MGAM2: variants seen among roughly 807,000 people sequenced by gnomAD.
The protein encoded by MGAM2 is maltase-glucoamylase 2 (putative).
Under a neutral mutation model 96.1 loss-of-function variants are expected in MGAM2, and 98 were observed. The observed-to-expected ratio is 1.02, with a 90% CI of 0.87 to 1.21. MGAM2 has a LOEUF of 1.21. Among genes scored for constraint, MGAM2 ranks in the 50% most tolerant of loss-of-function variants. The pLI is 0.00. For synonymous variants in MGAM2, 749 were observed against 414.8 expected, an observed-to-expected ratio of 1.81 and a Z score of -9.79; for missense variants, 2,055 against 1,182.4, an observed-to-expected ratio of 1.74 and a Z score of -10.82.
chr7:142,189,536 T>C, intron 37 of MGAM2, 31 bp downstream of exon 37: 1 of 685,970 alleles, frequency 1.5e-6, no homozygotes, highest in Non-Finnish European at 2.6e-6. Flanking sequence ...GCAGCAAAGA[T>C]AATTTTCCAC....
intron 37 of MGAM2, among the ~76,000 whole-genome samples, chr7:142,194,101 C>T (rs4637731): frequency 3.3e-5 from 5 of 151,078 alleles, no homozygotes; most frequent in Admixed American, 6.6e-5. Context: ...GGCACGATTT[C>T]GACTCACTGC....
intron 9 of MGAM2, 107 bp from the exon 10 acceptor site, chr7:142,138,435 C>T: frequency 3.3e-6 from 2 of 597,044 alleles, no homozygotes; most frequent in South Asian, 4.0e-5. Flanking sequence ...ACAAATTATT[C>T]TAGCAGATTA....
chr7:142,171,684 TATTTCCCTCTG>T (rs1796198062), intron 28 of MGAM2, among the ~76,000 whole-genome samples: 1 of 142,386 alleles, frequency 7.0e-6, no homozygotes, highest in Non-Finnish European at 1.5e-5. Flanking sequence ...AATATGTATA[TATTTCCCTCTG>T]TCAGTTATGG....
chr7:142,212,767 A>G (rs560950075), intron 46 of MGAM2, among the ~76,000 whole-genome samples: 2 of 152,286 alleles, frequency 1.3e-5, no homozygotes, highest in Admixed American at 1.3e-4. Flanking sequence ...TCAATATTAG[A>G]CAGATCAACA....
intron 46 of MGAM2, among the ~76,000 whole-genome samples, chr7:142,215,661 G>C (rs893306680): frequency 6.6e-6 from 1 of 151,424 alleles, no homozygotes; most frequent in Non-Finnish European, 1.5e-5. Context: ...GGGAGGCTGA[G>C]GCGGGAGAAT....
At chr7:142,213,124 C>A (rs953346929) in intron 46 of MGAM2, among the ~76,000 whole-genome samples, 1 of 152,126 alleles carries the variant, frequency 6.6e-6, no homozygotes, top group Non-Finnish European at 1.5e-5. Context: ...TAAATAAGTT[C>A]TTTGAAACCA....
chr7:142,130,890 C>G (rs1307909196), intron 3 of MGAM2, 58 bp from the exon 4 acceptor site: 1 of 675,060 alleles, frequency 1.5e-6, no homozygotes, highest in African/African-American at 1.8e-5. Flanking sequence ...AATAAATAGA[C>G]AGATAATACT....
In MGAM2 at chr7:142,164,799, G is replaced by A; in HGVS notation, c.2485-57G>A. 3 of 601,594 alleles carry A rather than the reference G, an allele frequency of 5.0e-6. No homozygotes were observed. The South Asian group carries it at 6.5e-5, about 13-fold the overall frequency. 37.3% of individuals were successfully genotyped at this position (601,594 alleles called of 1,614,324 possible). A position where few individuals can be genotyped will look rare whatever the true frequency, so the allele number is the denominator to read the frequency against. ...AATTGAGACATTGACTGGTATTTGG[G>A]GATAATAAGGGTCTGAAGTACCTGG... On this transcript the variant is annotated intron_variant, in intron 23 of 47. Coordinates refer to ENST00000477922, the MANE Select transcript of MGAM2 (RefSeq NM_001293626.2).
At position 142,148,792 on chromosome 7, in the gene MGAM2, C is replaced by A. The variant is rs1795466071; in HGVS notation, c.1634+1219C>A. On this transcript the variant is annotated intron_variant, in intron 15 of 47. Coordinates refer to ENST00000477922, the MANE Select transcript of MGAM2 (RefSeq NM_001293626.2). The surrounding 1 kb of genome is among the most constrained non-coding windows in gnomAD (Gnocchi z 4.2). ...TCCCCCTGTTTTGGTGTTTCTAGAG[C>A]ACTGTTGTGCTCTACAAGACAGGGA... Among the ~76,000 whole-genome samples, 1 of 152,138 alleles carries A rather than the reference C, an allele frequency of 6.6e-6. No homozygotes were observed. The highest frequency in any genetic ancestry group is 2.4e-5 in the African/African-American group (1 of 41,438).
intron 36 of MGAM2, 71 bp downstream of exon 36, chr7:142,187,905 A>G (rs1204459528): frequency 1.0e-5 from 7 of 674,292 alleles, no homozygotes; most frequent in Non-Finnish European, 1.9e-5. Flanking sequence ...TTTTACTGTC[A>G]AAGTGAAGCC....
intron 31 of MGAM2, among the ~76,000 whole-genome samples, chr7:142,173,676 G>A (rs1376025692): frequency 6.6e-6 from 1 of 152,164 alleles, no homozygotes; most frequent in Non-Finnish European, 1.5e-5. Context: ...ATATGGCAAT[G>A]CAGGGGACTA....
At position 142,136,657 on chromosome 7, in the gene MGAM2, T is replaced by C. The variant is rs548755627; in HGVS notation, c.847+17T>C. Reference sequence around the variant, plus strand: ...ATGCCATGGGTAGGAAGCATCTTTTTATCTTCTGTAGGTAGGAATACGTTT... The same window carrying C: ...ATGCCATGGGTAGGAAGCATCTTTTCATCTTCTGTAGGTAGGAATACGTTT... On this transcript the variant is annotated intron_variant, in intron 8 of 47. Transcript: ENST00000477922. 33 of 684,194 alleles carry C rather than the reference T, an allele frequency of 4.8e-5. No individual in the cohort carries two copies. The Admixed American group carries it at 5.6e-4, about 12-fold the overall frequency. 42.4% of individuals were successfully genotyped at this position (684,194 alleles called of 1,614,324 possible).
intron 14 of MGAM2, among the ~76,000 whole-genome samples, chr7:142,146,784 G>A (rs574090855): frequency 6.6e-6 from 1 of 151,534 alleles, no homozygotes; most frequent in South Asian, 2.1e-4. Flanking sequence ...CTGGAGTGCA[G>A]TGGCACGATC....
At chr7:142,119,363 A>G (rs1585138161) in intron 2 of MGAM2, among the ~76,000 whole-genome samples, 1 of 152,212 alleles carries the variant, frequency 6.6e-6, no homozygotes, top group African/African-American at 2.4e-5. Flanking sequence ...AGTCAAAACA[A>G]TAACATATCA....
At chr7:142,159,982 C>CT (rs1795841486) in intron 20 of MGAM2, among the ~76,000 whole-genome samples, 152 bp from the exon 21 acceptor site, 1 of 152,198 alleles carries the variant, frequency 6.6e-6, no homozygotes, top group South Asian at 2.1e-4. Flanking sequence ...CTGCCCTCTA[C>CT]TACCCATATG....
chr7:142,197,325 C>A, intron 40 of MGAM2, 75 bp from the exon 41 acceptor site: 2 of 667,418 alleles, frequency 3.0e-6, no homozygotes, highest in South Asian at 1.6e-5. Flanking sequence ...AATAAATGCC[C>A]ATTGATTCTT....
chr7:142,211,757 T>G (rs115852827), intron 46 of MGAM2, among the ~76,000 whole-genome samples: 1,645 of 152,278 alleles, frequency 0.011, 30 homozygotes, highest in African/African-American at 0.037. Context: ...AACCAAGTTG[T>G]AAAGCACACT....
At chr7:142,118,979 T>C (rs1252310734) in intron 2 of MGAM2, among the ~76,000 whole-genome samples, 3 of 151,930 alleles carry the variant, frequency 2.0e-5, no homozygotes, top group Non-Finnish European at 2.9e-5. Context: ...AAGAAAAAAA[T>C]AGGCAAATTG....
rs748299647 is a variant in MGAM2 at position 142,183,950 on chromosome 7, C to CTTTTT, written c.3924+613_3924+617dup. 3.4e-3 allele frequency among the ~76,000 whole-genome samples: 158 copies of CTTTTT among 46,144 alleles called. 49 individuals are homozygous for CTTTTT. The highest frequency in any genetic ancestry group is 5.5e-3 in the Non-Finnish European group (113 of 20,368). 30.3% of individuals were successfully genotyped at this position (46,144 alleles called of 152,430 possible). A position where few individuals can be genotyped will look rare whatever the true frequency, so the allele number is the denominator to read the frequency against. ...ACTGCTCTGGATGTATTCCAGGCTC[C>CTTTTT]TTTTTTTTTTTTTTTTTTTTTTTTT... On this transcript the variant is annotated intron_variant, in intron 33 of 47. Transcript: ENST00000477922.
Sources: allele counts gnomAD v4.1 joint callset (sites outside exome capture counted in the v4.1 genomes callset), GRCh38; gene constraint gnomAD v4.1.1; non-coding constraint Gnocchi (gnomAD v3.1); transcripts MANE v1.5; gene names NCBI Gene and HGNC (gene_info 2026-07-23, HGNC 2026-07-21).